Variants in SYNJ2BP observed in about 807,000 individuals in gnomAD.
SYNJ2BP encodes synaptojanin-2-binding protein.
SYNJ2BP carries 10 observed loss-of-function variants against 16.9 expected under a neutral mutation model. The observed-to-expected ratio is 0.59, with a 90% CI of 0.36 to 1.00. SYNJ2BP has a LOEUF of 1.00. Among genes scored for constraint, SYNJ2BP ranks in the 50% least tolerant of loss-of-function variants. The probability of loss-of-function intolerance (pLI) is 0.01; values close to 1 mark genes in which losing one functional copy is unlikely to be tolerated. For missense variants in SYNJ2BP, 162 were observed against 186.7 expected (o/e 0.87, Z 0.77); for synonymous variants, 54 against 68.4 (o/e 0.79, Z 1.04).
chr14:70,393,734 A>G (rs1019429592), intron 1 of SYNJ2BP, among the ~76,000 whole-genome samples: 9 of 151,926 alleles, frequency 5.9e-5, no homozygotes, highest in East Asian at 3.9e-4. Context: ...TCTCACTCAC[A>G]TAAGTGGGAG....
chr14:70,408,881 T>C (rs1489425634), intron 1 of SYNJ2BP, among the ~76,000 whole-genome samples: 1 of 152,076 alleles, frequency 6.6e-6, no homozygotes, highest in Admixed American at 6.5e-5. Flanking sequence ...TCGCCCAGGC[T>C]GGAATGCAGT....
chr14:70,392,231 C>G (rs1384709876), intron 1 of SYNJ2BP, among the ~76,000 whole-genome samples: 1 of 152,178 alleles, frequency 6.6e-6, no homozygotes, highest in Non-Finnish European at 1.5e-5. Flanking sequence ...ACGTTATGCT[C>G]TGAGGAAGAT....
chr14:70,391,049 T>C (rs1887971108), intron 1 of SYNJ2BP, among the ~76,000 whole-genome samples: 1 of 151,864 alleles, frequency 6.6e-6, no homozygotes, highest in Non-Finnish European at 1.5e-5. Flanking sequence ...CATTTGACCC[T>C]GGGAGGCAGA....
chr14:70,416,841 G>T, intron 1 of SYNJ2BP, 59 bp downstream of exon 1: 1 of 1,611,550 alleles, frequency 6.2e-7, no homozygotes, highest in East Asian at 2.2e-5. Flanking sequence ...AGCAGCAGAG[G>T]TGTCTGCAAT....
chr14:70,386,363 A>C (rs1887859096), intron 2 of SYNJ2BP, among the ~76,000 whole-genome samples: 1 of 152,232 alleles, frequency 6.6e-6, no homozygotes, highest in Admixed American at 6.5e-5. Flanking sequence ...AACAGGGTCT[A>C]GGAGAAGCTT....
chr14:70,381,785 C>T (rs576737348), intron 2 of SYNJ2BP, among the ~76,000 whole-genome samples: 2 of 152,324 alleles, frequency 1.3e-5, no homozygotes, highest in South Asian at 4.1e-4. Context: ...CCTAATCTGC[C>T]TGAAACAGTC....
chr14:70,393,856 G>A (rs907635438), intron 1 of SYNJ2BP, among the ~76,000 whole-genome samples: 21 of 151,904 alleles, frequency 1.4e-4, no homozygotes, highest in Non-Finnish European at 1.6e-4. Flanking sequence ...TAATGCATGC[G>A]GAGCTTAAAA....
In SYNJ2BP at chr14:70,369,394, C is replaced by G. The variant is rs945059683; in HGVS notation, c.*3597G>C. 1.3e-5 allele frequency: 2 copies of G among 152,240 alleles called. No individual in the cohort carries two copies. The highest frequency in any genetic ancestry group is 2.9e-5 in the Non-Finnish European group (2 of 68,066). The allele number at this position is 152,240 out of a possible 1,614,324, so 9.4% of individuals were successfully genotyped here. A position where few individuals can be genotyped will look rare whatever the true frequency, so the allele number is the denominator to read the frequency against. ...ACAGGCATGAGCCACCATGCCCAGC[C>G]TATGAACTTGCTTTTCTAACAAGTT... On this transcript the variant is annotated 3_prime_UTR_variant, in exon 4 of 4. Coordinates refer to ENST00000256366, the MANE Select transcript of SYNJ2BP (RefSeq NM_018373.3).
At chr14:70,379,765 A>C (rs998436881) in intron 2 of SYNJ2BP, among the ~76,000 whole-genome samples, 1 of 152,222 alleles carries the variant, frequency 6.6e-6, no homozygotes, top group Non-Finnish European at 1.5e-5. Context: ...TGCTCACTTA[A>C]GTAATCTAGC....
intron 1 of SYNJ2BP, among the ~76,000 whole-genome samples, chr14:70,394,661 C>T (rs1888052772): frequency 6.6e-6 from 1 of 151,944 alleles, no homozygotes; most frequent in Admixed American, 6.6e-5. Flanking sequence ...ATAGAAGAAC[C>T]TTGGAAAGTT....
intron 1 of SYNJ2BP, among the ~76,000 whole-genome samples, chr14:70,407,162 C>T (rs1039582080): frequency 5.3e-5 from 8 of 152,170 alleles, no homozygotes; most frequent in Non-Finnish European, 1.2e-4. Context: ...GGTGCGGTGG[C>T]TCACACCTGT....
chr14:70,374,791 T>C (rs1178957416), intron 3 of SYNJ2BP, among the ~76,000 whole-genome samples: 1 of 152,156 alleles, frequency 6.6e-6, no homozygotes, highest in Admixed American at 6.5e-5. Flanking sequence ...TTTGTAGTGT[T>C]TTATCCAATG....
chr14:70,401,432 A>G (rs1888233135), intron 1 of SYNJ2BP, among the ~76,000 whole-genome samples: 2 of 151,928 alleles, frequency 1.3e-5, no homozygotes, highest in Non-Finnish European at 2.9e-5. Context: ...TTAATAAAAG[A>G]AAAAAAGCTT....
At chr14:70,378,312 C>T (rs988426432) in intron 2 of SYNJ2BP, among the ~76,000 whole-genome samples, 2 of 59,056 alleles carry the variant, frequency 3.4e-5, no homozygotes, top group Non-Finnish European at 7.5e-5. Flanking sequence ...TGGATGCCTA[C>T]ACCTGTATAC....
At chr14:70,403,163 A>T (rs950710329) in intron 1 of SYNJ2BP, among the ~76,000 whole-genome samples, 1 of 152,246 alleles carries the variant, frequency 6.6e-6, no homozygotes, top group African/African-American at 2.4e-5. Flanking sequence ...CAATGGAATA[A>T]GTAATCAAGG....
At chr14:70,402,666 TA>T (rs34370869) in intron 1 of SYNJ2BP, among the ~76,000 whole-genome samples, 87,057 of 146,130 alleles carry the variant, frequency 0.6, 25,744 homozygotes, top group South Asian at 0.65. Flanking sequence ...AAGCCTGCTT[TA>T]AAAAAAAAAA....
intron 1 of SYNJ2BP, among the ~76,000 whole-genome samples, chr14:70,390,581 T>C (rs1405298398): frequency 6.6e-6 from 1 of 151,570 alleles, no homozygotes; most frequent in East Asian, 1.9e-4. Flanking sequence ...GGCAGGAGAA[T>C]GGCGTGAACC....
intron 1 of SYNJ2BP, among the ~76,000 whole-genome samples, chr14:70,405,078 A>G (rs7146553): frequency 0.87 from 132,973 of 152,136 alleles, 58,177 homozygotes; most frequent in East Asian, 0.93. Flanking sequence ...AGTAAGCTGT[A>G]ATCACACCAC....
chr14:70,375,134 T>TA (rs369551712), intron 3 of SYNJ2BP, among the ~76,000 whole-genome samples: 1 of 151,936 alleles, frequency 6.6e-6, no homozygotes, highest in African/African-American at 2.4e-5. Flanking sequence ...CTTTAAGGCA[T>TA]ATTATCTTGA....
Sources: allele counts gnomAD v4.1 joint callset (sites outside exome capture counted in the v4.1 genomes callset), GRCh38; gene constraint gnomAD v4.1.1; transcripts MANE v1.5; gene names NCBI Gene and HGNC (gene_info 2026-07-23, HGNC 2026-07-21).